The following LINGO2 variants were observed in gnomAD, a reference collection of about 807,000 sequenced individuals.
LINGO2 encodes leucine-rich repeat and immunoglobulin-like domain-containing nogo receptor-interacting protein 2.
Under a neutral mutation model 30.6 loss-of-function variants are expected in LINGO2, and 14 were observed. The ratio of observed to expected loss-of-function variants is 0.46; its 90% CI spans 0.30 to 0.72. The LOEUF (loss-of-function observed/expected upper bound fraction) is 0.72, where lower values mean the gene tolerates loss of function less well. LINGO2 is among the 30% of genes least tolerant of loss of function. The probability of loss-of-function intolerance (pLI) is 0.07; values close to 1 mark genes in which losing one functional copy is unlikely to be tolerated. For missense variants in LINGO2, 729 were observed against 751.7 expected, an observed-to-expected ratio of 0.97 and a Z score of 0.35; for synonymous variants, 317 against 288.5, an observed-to-expected ratio of 1.10 and a Z score of -1.00.
At chr9:28,848,822 C>T in the LINGO2 span, among the ~76,000 whole-genome samples, 2 of 151,614 alleles carry the variant, frequency 1.3e-5, no homozygotes, top group African/African-American at 2.4e-5. Flanking sequence ...GTTGAAACTC[C>T]CACGCCTTCC....
the LINGO2 span, among the ~76,000 whole-genome samples, chr9:29,126,126 G>A: frequency 2.0e-5 from 3 of 152,092 alleles, no homozygotes; most frequent in South Asian, 6.2e-4. Flanking sequence ...CATGCCCTTA[G>A]GCTCTTTCAA....
the LINGO2 span, among the ~76,000 whole-genome samples, chr9:28,696,775 C>T: frequency 6.6e-6 from 1 of 151,908 alleles, no homozygotes; most frequent in African/African-American, 2.4e-5. Context: ...AGCCAGAAAT[C>T]ATTAATGTCA....
At chr9:28,699,556 G>A in the LINGO2 span, among the ~76,000 whole-genome samples, 7 of 151,936 alleles carry the variant, frequency 4.6e-5, no homozygotes, top group Admixed American at 1.3e-4. Context: ...GAAAAAGAAC[G>A]GAATAACAAT....
At chr9:28,986,627 C>T in the LINGO2 span, among the ~76,000 whole-genome samples, 98,909 of 151,692 alleles carry the variant, frequency 0.65, 32,811 homozygotes, top group Non-Finnish European at 0.72. Context: ...AGATGTTCTT[C>T]GACATACAAT....
At chr9:28,664,788 G>T (rs1489103423) in intron 1 of LINGO2, among the ~76,000 whole-genome samples, 1 of 151,690 alleles carries the variant, frequency 6.6e-6, no homozygotes, top group African/African-American at 2.4e-5. Flanking sequence ...TCAGGTCCCA[G>T]CTTAAAATAT....
intron 1 of LINGO2, among the ~76,000 whole-genome samples, chr9:28,639,134 G>T (rs184868632): frequency 0.018 from 2,778 of 152,266 alleles, 57 homozygotes; most frequent in Admixed American, 0.038. Context: ...GCGGTTTTGA[G>T]TGAGTTTCTT....
intron 4 of LINGO2, among the ~76,000 whole-genome samples, chr9:28,238,396 C>T (rs1821657674): frequency 6.6e-6 from 1 of 152,104 alleles, no homozygotes; most frequent in Non-Finnish European, 1.5e-5. Flanking sequence ...TATGTTAGGT[C>T]ACAAAAAGAG....
At chr9:28,859,694 TTAAAAATG>T in the LINGO2 span, among the ~76,000 whole-genome samples, 1 of 152,002 alleles carries the variant, frequency 6.6e-6, no homozygotes, top group East Asian at 1.9e-4. Flanking sequence ...ATGTTAGTAG[TTAAAAATG>T]TTTTAAATAT....
At chr9:29,015,110 G>A in the LINGO2 span, among the ~76,000 whole-genome samples, 4 of 151,990 alleles carry the variant, frequency 2.6e-5, no homozygotes, top group African/African-American at 4.8e-5. Context: ...CTTGAAAGAC[G>A]GACATAGAGT....
At chr9:28,752,955 G>T in the LINGO2 span, among the ~76,000 whole-genome samples, 4 of 151,966 alleles carry the variant, frequency 2.6e-5, no homozygotes, top group African/African-American at 4.8e-5. Flanking sequence ...ACTGTGTCTG[G>T]CATACAGTAG....
At chr9:28,977,268 A>G in the LINGO2 span, among the ~76,000 whole-genome samples, 1 of 152,144 alleles carries the variant, frequency 6.6e-6, no homozygotes, top group Non-Finnish European at 1.5e-5. Flanking sequence ...TATTATATAC[A>G]AATGGAGAAC....
intron 4 of LINGO2, among the ~76,000 whole-genome samples, chr9:28,162,183 C>G (rs2133604137): frequency 6.6e-6 from 1 of 152,142 alleles, no homozygotes; most frequent in African/African-American, 2.4e-5. Flanking sequence ...AAAATGCAGA[C>G]AAACGAAAGA....
chr9:29,170,739 C>T, the LINGO2 span, among the ~76,000 whole-genome samples: 1 of 151,826 alleles, frequency 6.6e-6, no homozygotes, highest in African/African-American at 2.4e-5. Context: ...GTAAGAAAGA[C>T]AAGTTACTCA....
intron 4 of LINGO2, among the ~76,000 whole-genome samples, chr9:28,109,580 A>G (rs1429814401): frequency 6.6e-6 from 1 of 152,188 alleles, no homozygotes; most frequent in Admixed American, 6.5e-5. Flanking sequence ...CAAAAATCAC[A>G]AGCATTCCTA....
chr9:28,339,674 C>T (rs933103070), intron 3 of LINGO2, among the ~76,000 whole-genome samples: 1 of 152,112 alleles, frequency 6.6e-6, no homozygotes. Flanking sequence ...TTCAGTGATG[C>T]TTTTAAATAA....
At position 28,327,217 on chromosome 9, in the gene LINGO2, C is replaced by G. The variant is rs542666088; in HGVS notation, c.-245-31851G>C. The stretch of plus-strand genomic sequence containing the variant: ...ATTTTGGACTTCCCAGCTTCAAGAA[C>G]TGTGAGCAATAAATTACTATTGTTT... On this transcript the variant is annotated intron_variant, in intron 3 of 5. Coordinates refer to ENST00000379992, the Ensembl canonical transcript of LINGO2. Among the ~76,000 whole-genome samples, 31 of 152,260 alleles carry G rather than the reference C, an allele frequency of 2.0e-4. No homozygotes were observed. The South Asian group carries it at 3.3e-3, about 16-fold the overall frequency.
chr9:28,277,628 A>T (rs1393988824), intron 4 of LINGO2, among the ~76,000 whole-genome samples: 1 of 151,990 alleles, frequency 6.6e-6, no homozygotes, highest in African/African-American at 2.4e-5. Context: ...ACATGGTGAA[A>T]CCCTGTCTCT....
At chr9:28,851,708 C>T in the LINGO2 span, among the ~76,000 whole-genome samples, 6 of 151,716 alleles carry the variant, frequency 4.0e-5, no homozygotes, top group African/African-American at 1.5e-4. Context: ...TAATATAGTC[C>T]ACAAGCATTC....
At chr9:28,002,137 C>T (rs927316390) in intron 5 of LINGO2, among the ~76,000 whole-genome samples, 9 of 152,148 alleles carry the variant, frequency 5.9e-5, no homozygotes, top group African/African-American at 2.2e-4. Flanking sequence ...AGCAACATGA[C>T]CAATGAACAT....
Sources: allele counts gnomAD v4.1 joint callset (sites outside exome capture counted in the v4.1 genomes callset), GRCh38; gene constraint gnomAD v4.1.1; transcripts MANE v1.5; gene names NCBI Gene and HGNC (gene_info 2026-07-23, HGNC 2026-07-21).